BBS9: variants seen among roughly 807,000 people sequenced by gnomAD.
The protein encoded by BBS9 is protein PTHB1.
Under a neutral mutation model 117.7 loss-of-function variants are expected in BBS9, and 89 were observed. That is an observed-to-expected ratio of 0.76 (90% CI 0.64 to 0.90). The LOEUF (loss-of-function observed/expected upper bound fraction) is 0.90, where lower values mean the gene tolerates loss of function less well. Ranked by LOEUF, BBS9 falls within the 40% of genes least tolerant of loss-of-function variation. The pLI, the probability that BBS9 is intolerant of heterozygous loss-of-function variation, is 0.00. For synonymous variants in BBS9, 379 were observed against 370.9 expected, an observed-to-expected ratio of 1.02 and a Z score of -0.25; for missense variants, 982 against 1,042.2, an observed-to-expected ratio of 0.94 and a Z score of 0.80.
intron 4 of BBS9, among the ~76,000 whole-genome samples, chr7:33,159,532 T>C (rs559792166): frequency 6.6e-6 from 1 of 152,342 alleles, no homozygotes; most frequent in African/African-American, 2.4e-5. Context: ...ACCTAGTGCA[T>C]GAGTTCAGTC....
intron 9 of BBS9, among the ~76,000 whole-genome samples, chr7:33,301,116 A>AAT (rs1806326044): frequency 2.6e-5 from 4 of 151,900 alleles, no homozygotes; most frequent in Non-Finnish European, 4.4e-5. Flanking sequence ...GTGGGTTTAC[A>AAT]ATATATATGT....
chr7:33,407,394 T>C (rs1335312547), intron 19 of BBS9, among the ~76,000 whole-genome samples: 1 of 152,240 alleles, frequency 6.6e-6, no homozygotes, highest in Non-Finnish European at 1.5e-5. Flanking sequence ...CTCCTGTAGC[T>C]CGGAGTAGTT....
At chr7:33,217,784 A>G (rs922011643) in intron 5 of BBS9, among the ~76,000 whole-genome samples, 5 of 152,156 alleles carry the variant, frequency 3.3e-5, no homozygotes, top group African/African-American at 1.2e-4. Context: ...GAAAATCACT[A>G]TGGGTTACAT....
Position 33,540,540 on chromosome 7 carries a change from A to G in BBS9, c.2521+6364A>G, listed in dbSNP as rs141123348. Among the ~76,000 whole-genome samples the G allele has an allele frequency of 3.6e-3, 550 of 152,320 alleles. 3 individuals carry two copies. The highest frequency in any genetic ancestry group is 0.013 in the African/African-American group (532 of 41,564). ...AGTCTCCTCTTGCTCTTTCTCTTCC[A>G]TATATTTTGTACATTTTCTGAAAAT... On this transcript the variant is annotated intron_variant, in intron 21 of 22. Transcript: ENST00000242067.
chr7:33,633,001 C>T (rs957573507), intron 21 of BBS9, among the ~76,000 whole-genome samples: 1 of 152,024 alleles, frequency 6.6e-6, no homozygotes, highest in Non-Finnish European at 1.5e-5. Context: ...CACTCTAACC[C>T]TTTCTAAAGC....
chr7:33,163,778 C>A (rs995998036), intron 4 of BBS9, among the ~76,000 whole-genome samples: 1 of 152,140 alleles, frequency 6.6e-6, no homozygotes, highest in African/African-American at 2.4e-5. Context: ...TTTCAAAAAA[C>A]CAGCTCCTGG....
At position 33,526,542 on chromosome 7, in the gene BBS9, G is replaced by C. The variant is rs545422927; in HGVS notation, c.2299-7412G>C. Among the ~76,000 whole-genome samples, 178 of 150,676 alleles carry C rather than the reference G, an allele frequency of 1.2e-3. 2 individuals carry two copies. The highest frequency in any genetic ancestry group is 4.2e-3 in the African/African-American group (173 of 40,782). ...CCCTTTCTTCCAGTTGATCACATCA[G>C]CTCCTGAGGCTTCTGCATTCTTCAC... On this transcript the variant is annotated intron_variant, in intron 20 of 22. Transcript: ENST00000242067.
chr7:33,203,399 C>G (rs902641903), intron 5 of BBS9, among the ~76,000 whole-genome samples: 2 of 152,086 alleles, frequency 1.3e-5, no homozygotes, highest in Non-Finnish European at 1.5e-5. Flanking sequence ...CAGGTGATGC[C>G]AATACTACTG....
At chr7:33,310,058 T>A (rs1443267804) in intron 9 of BBS9, among the ~76,000 whole-genome samples, 1 of 152,216 alleles carries the variant, frequency 6.6e-6, no homozygotes, top group Non-Finnish European at 1.5e-5. Flanking sequence ...CTTTCCAGTG[T>A]CTGCTGGGTA....
chr7:33,239,093 A>T (rs773082201), intron 5 of BBS9, among the ~76,000 whole-genome samples: 1 of 152,150 alleles, frequency 6.6e-6, no homozygotes, highest in Admixed American at 6.5e-5. Context: ...TGTTTTCATT[A>T]GCTGTGTGTA....
At chr7:33,138,182 A>T (rs1188372699) in intron 1 of BBS9, among the ~76,000 whole-genome samples, 1 of 151,758 alleles carries the variant, frequency 6.6e-6, no homozygotes, top group Non-Finnish European at 1.5e-5. Context: ...TCCTGCAATT[A>T]GCTGTGTGAG....
chr7:33,471,898 G>C (rs1841089579), intron 19 of BBS9, among the ~76,000 whole-genome samples: 1 of 152,188 alleles, frequency 6.6e-6, no homozygotes, highest in African/African-American at 2.4e-5. Flanking sequence ...ACAGCTGGTA[G>C]AGCAGACTGG....
intron 17 of BBS9, among the ~76,000 whole-genome samples, chr7:33,379,102 T>G (rs1331595645): frequency 6.6e-6 from 1 of 152,258 alleles, no homozygotes; most frequent in African/African-American, 2.4e-5. Context: ...AACTGCTTAC[T>G]GCACTTCAGA....
intron 19 of BBS9, among the ~76,000 whole-genome samples, chr7:33,418,896 C>T (rs965258498): frequency 6.6e-6 from 1 of 152,168 alleles, no homozygotes; most frequent in African/African-American, 2.4e-5. Flanking sequence ...CACAATGTGT[C>T]CATTTACTAC....
intron 9 of BBS9, among the ~76,000 whole-genome samples, chr7:33,294,043 C>T (rs181953615): frequency 6.6e-6 from 1 of 152,108 alleles, no homozygotes; most frequent in African/African-American, 2.4e-5. Context: ...TAGGAAGAAC[C>T]TCTAAATTGA....
chr7:33,370,009 A>G (rs1822549933), intron 17 of BBS9, among the ~76,000 whole-genome samples: 1 of 152,148 alleles, frequency 6.6e-6, no homozygotes, highest in African/African-American at 2.4e-5. Flanking sequence ...TTGGTAATCA[A>G]CCAAGCCTTC....
At chr7:33,596,017 G>A (rs1862694973) in intron 21 of BBS9, among the ~76,000 whole-genome samples, 1 of 151,944 alleles carries the variant, frequency 6.6e-6, no homozygotes, top group African/African-American at 2.4e-5. Flanking sequence ...ACTGGGGCCA[G>A]TCATGGGGTT....
chr7:33,529,648 C>T (rs1387212718), intron 20 of BBS9, among the ~76,000 whole-genome samples: 1 of 151,894 alleles, frequency 6.6e-6, no homozygotes, highest in South Asian at 2.1e-4. Flanking sequence ...TTGCCTCCCA[C>T]TCCCCCACCG....
rs1554539681 is a variant in BBS9 at position 33,565,809 on chromosome 7, A to ATATG, written c.2521+31636_2521+31637insGTAT. Among the ~76,000 whole-genome samples the ATATG allele has an allele frequency of 1.1e-3, 52 of 49,488 alleles. 1 individual carries two copies. The highest frequency in any genetic ancestry group is 1.3e-3 in the South Asian group (2 of 1,540). 32.5% of individuals were successfully genotyped at this position (49,488 alleles called of 152,430 possible). A position where few individuals can be genotyped will look rare whatever the true frequency, so the allele number is the denominator to read the frequency against. ...TATATATATATATATATATATATAT[A>ATATG]TATATATATATATATATACCGCTAT... is the stretch of plus-strand genomic sequence containing the variant. On this transcript the variant is annotated intron_variant, in intron 21 of 22. Transcript: ENST00000242067.
Sources: allele counts gnomAD v4.1 joint callset (sites outside exome capture counted in the v4.1 genomes callset), GRCh38; gene constraint gnomAD v4.1.1; transcripts MANE v1.5; gene names NCBI Gene and HGNC (gene_info 2026-07-23, HGNC 2026-07-21).